The following ME1 variants were observed in gnomAD, a reference collection of about 807,000 sequenced individuals.
The protein encoded by ME1 is malic enzyme 1.
ME1 carries 74 observed loss-of-function variants against 66.4 expected under a neutral mutation model. The observed-to-expected ratio is 1.11, with a 90% CI of 0.92 to 1.35. The LOEUF is 1.35. Among genes scored for constraint, ME1 ranks in the 40% most tolerant of loss-of-function variants. The pLI is 0.00. For synonymous variants in ME1, 251 were observed against 235.6 expected, an observed-to-expected ratio of 1.07 and a Z score of -0.60; for missense variants, 750 against 694.1, an observed-to-expected ratio of 1.08 and a Z score of -0.90.
intron 6 of ME1, among the ~76,000 whole-genome samples, chr6:83,292,336 T>C (rs1767519029): frequency 1.3e-5 from 2 of 152,204 alleles, no homozygotes; most frequent in African/African-American, 4.8e-5. Context: ...GTTGATGCTA[T>C]TCCTTTCTGT....
Position 83,218,010 on chromosome 6 carries a change from TATAAC to T in ME1, c.1450-1419_1450-1415del, listed in dbSNP as rs569762477. Reference sequence around the variant, plus strand: ...TTGCTCTACATATTATACAAAATATTATAACATATAATTGTAGGGTGTTGACCATA... The same window carrying T: ...TTGCTCTACATATTATACAAAATATTATATAATTGTAGGGTGTTGACCATA... On this transcript the variant is annotated intron_variant, in intron 12 of 13. Coordinates refer to ENST00000369705, the MANE Select transcript of ME1 (RefSeq NM_002395.6). Among the ~76,000 whole-genome samples, 6 of 152,342 alleles carry T rather than the reference TATAAC, an allele frequency of 3.9e-5. No homozygotes were observed. In the South Asian group the frequency reaches 1.2e-3, roughly 32 times the overall value.
chr6:83,403,881 TC>T (rs1166494341), intron 2 of ME1, among the ~76,000 whole-genome samples: 1 of 152,232 alleles, frequency 6.6e-6, no homozygotes, highest in East Asian at 1.9e-4. Flanking sequence ...GTGCCACATT[TC>T]CTTCATCCAG....
At chr6:83,350,971 C>CAA (rs34259968) in intron 4 of ME1, among the ~76,000 whole-genome samples, 1,078 of 55,814 alleles carry the variant, frequency 0.019, 50 homozygotes, top group Non-Finnish European at 0.028. Context: ...GTGGAGAAAG[C>CAA]AAAAAAAAAA....
At chr6:83,214,382 C>T (rs1457174372) in intron 13 of ME1, among the ~76,000 whole-genome samples, 3 of 152,142 alleles carry the variant, frequency 2.0e-5, no homozygotes, top group African/African-American at 7.2e-5. Context: ...ACCTCCTGTA[C>T]ATCTTGAAAT....
chr6:83,348,582 A>G (rs1583394065), intron 4 of ME1, among the ~76,000 whole-genome samples: 1 of 152,074 alleles, frequency 6.6e-6, no homozygotes. Context: ...AAACACAGAG[A>G]GTTGTTATTT....
rs57683304 is a variant in ME1 at position 83,388,091 on chromosome 6, C to CTTTTTTTT, written c.362+10268_362+10275dup. On this transcript the variant is annotated intron_variant, in intron 3 of 13. Coordinates refer to ENST00000369705, the MANE Select transcript of ME1 (RefSeq NM_002395.6). ...TCTTCCTTCTTTCCTTCCTTCCTTC[C>CTTTTTTTT]TTTTTTTTTTTGGACAGGATCTCAC... 7.5e-5 allele frequency among the ~76,000 whole-genome samples: 10 copies of CTTTTTTTT among 133,388 alleles called. 2 individuals carry two copies. The highest frequency in any genetic ancestry group is 1.7e-4 in the Admixed American group (2 of 12,082). 87.5% of individuals were successfully genotyped at this position (133,388 alleles called of 152,430 possible).
chr6:83,317,707 G>A (rs551900256), intron 5 of ME1, among the ~76,000 whole-genome samples: 8 of 152,156 alleles, frequency 5.3e-5, no homozygotes, highest in South Asian at 4.1e-4. Flanking sequence ...AATCAATATC[G>A]TGAAAATGGC....
In ME1 at chr6:83,398,507, G is replaced by T. The variant is rs1769784967; in HGVS notation, c.222C>A (p.Leu74=). ...CATTTCTATCTTGGAGATCCATTAAGAGAAGATACCTGTAAAAATTGGACA... is the reference window on the plus strand; with the variant it reads ...CATTTCTATCTTGGAGATCCATTAATAGAAGATACCTGTAAAAATTGGACA... ...HLNSDFDRYL[L]LMDLQDRNEK... Residue 74 remains leucine (L), a synonymous_variant, in exon 3 of 14, where the codon CTC becomes CTA. Coordinates refer to ENST00000369705, the MANE Select transcript of ME1 (RefSeq NM_002395.6). 2 of 1,540,190 alleles carry T rather than the reference G, an allele frequency of 1.3e-6. No individual in the cohort carries two copies. The highest frequency in any genetic ancestry group is 2.4e-5 in the South Asian group (2 of 82,352).
At chr6:83,251,952 T>C (rs561066095) in intron 7 of ME1, among the ~76,000 whole-genome samples, 1 of 152,262 alleles carries the variant, frequency 6.6e-6, no homozygotes, top group South Asian at 2.1e-4. Context: ...TGACAAATTG[T>C]AGAGATATTA....
At chr6:83,395,637 A>G (rs1769716298) in intron 3 of ME1, among the ~76,000 whole-genome samples, 1 of 151,206 alleles carries the variant, frequency 6.6e-6, no homozygotes, top group South Asian at 2.1e-4. Flanking sequence ...CACCATGCCC[A>G]GCTAATTTTT....
At chr6:83,242,118 C>T (rs550959822) in intron 7 of ME1, among the ~76,000 whole-genome samples, 1 of 152,344 alleles carries the variant, frequency 6.6e-6, no homozygotes, top group Non-Finnish European at 1.5e-5. Flanking sequence ...CCGCCTCAGC[C>T]TCCCAAAGTG....
At chr6:83,233,072 G>A (rs1490105628) in intron 9 of ME1, among the ~76,000 whole-genome samples, 1 of 151,964 alleles carries the variant, frequency 6.6e-6, no homozygotes. Context: ...TAGTGAGAGC[G>A]AAAATATAAT....
At chr6:83,314,440 G>A (rs1419982378) in intron 6 of ME1, among the ~76,000 whole-genome samples, 1 of 152,086 alleles carries the variant, frequency 6.6e-6, no homozygotes, top group Non-Finnish European at 1.5e-5. Context: ...CTTATTGCTA[G>A]CATATAAAAT....
At chr6:83,262,421 C>T (rs925125504) in intron 6 of ME1, among the ~76,000 whole-genome samples, 2 of 152,148 alleles carry the variant, frequency 1.3e-5, no homozygotes, top group Non-Finnish European at 2.9e-5. Context: ...TGCAAACTTA[C>T]AATAGAGAAT....
chr6:83,215,426 T>C (rs1789971227), intron 13 of ME1, among the ~76,000 whole-genome samples: 1 of 152,200 alleles, frequency 6.6e-6, no homozygotes, highest in Non-Finnish European at 1.5e-5. Flanking sequence ...TCCACAACGC[T>C]GAAGTAGAGA....
At chr6:83,415,518 T>A (rs1248442343) in intron 1 of ME1, among the ~76,000 whole-genome samples, 2 of 152,210 alleles carry the variant, frequency 1.3e-5, no homozygotes, top group African/African-American at 2.4e-5. Flanking sequence ...AGCAAATGGA[T>A]GTATAAATAC....
At chr6:83,223,626 C>T in intron 12 of ME1, 134 bp downstream of exon 12, 1 of 770,898 alleles carries the variant, frequency 1.3e-6, no homozygotes, top group African/African-American at 1.8e-5. Context: ...CCTTATACTC[C>T]ACTGGGAAGT....
chr6:83,265,106 A>T (rs1315714650), intron 6 of ME1, among the ~76,000 whole-genome samples: 2 of 152,218 alleles, frequency 1.3e-5, no homozygotes, highest in Non-Finnish European at 2.9e-5. Context: ...GTAATCAGTC[A>T]GCAGCTATCA....
At chr6:83,266,734 G>T (rs1195102484) in intron 6 of ME1, among the ~76,000 whole-genome samples, 1 of 152,130 alleles carries the variant, frequency 6.6e-6, no homozygotes, top group East Asian at 1.9e-4. Flanking sequence ...ACCGGTATGG[G>T]TGCAATTACC....
Sources: allele counts gnomAD v4.1 joint callset (sites outside exome capture counted in the v4.1 genomes callset), GRCh38; gene constraint gnomAD v4.1.1; transcripts MANE v1.5; gene names NCBI Gene and HGNC (gene_info 2026-07-23, HGNC 2026-07-21).